Variants in PDCD10 observed in about 807,000 individuals in gnomAD.
The protein encoded by PDCD10 is programmed cell death protein 10.
A neutral mutation model predicts 29.2 loss-of-function variants in PDCD10; 4 were observed. That is an observed-to-expected ratio of 0.14 (90% confidence interval 0.07 to 0.31). The LOEUF (loss-of-function observed/expected upper bound fraction) is 0.31. Ranked by LOEUF, PDCD10 falls within the 10% of genes least tolerant of loss-of-function variation. The probability of loss-of-function intolerance (pLI) is 1.00; values close to 1 mark genes in which losing one functional copy is unlikely to be tolerated. For synonymous variants in PDCD10, 70 were observed against 82.2 expected (o/e 0.85, Z 0.80); for missense variants, 183 against 257.9 (o/e 0.71, Z 1.99).
At chr3:167,710,547 T>A (rs1037665402) in intron 3 of PDCD10, among the ~76,000 whole-genome samples, 1 of 152,196 alleles carries the variant, frequency 6.6e-6, no homozygotes, top group African/African-American at 2.4e-5. Context: ...GAAAGAACAC[T>A]AGGTAGATTT....
At chr3:167,724,338 C>G (rs926568330) in intron 2 of PDCD10, among the ~76,000 whole-genome samples, 4 of 152,182 alleles carry the variant, frequency 2.6e-5, no homozygotes, top group Non-Finnish European at 4.4e-5. Context: ...ATCCAGTACT[C>G]AGCCCTCTTG....
chr3:167,684,484 GAAA>G, intron 8 of PDCD10, 95 bp from the exon 9 acceptor site: 1 of 517,324 alleles, frequency 1.9e-6, no homozygotes. Flanking sequence ...ATCAATTTTA[GAAA>G]AAAAAAAAAG....
chr3:167,691,538 C>T (rs1720234019), intron 6 of PDCD10, among the ~76,000 whole-genome samples: 3 of 152,158 alleles, frequency 2.0e-5, no homozygotes, highest in Admixed American at 2.0e-4. Flanking sequence ...TTTCAAACCG[C>T]AGCTCCCTAG....
In PDCD10 at chr3:167,683,530, A is replaced by T. The variant is rs1719273733; in HGVS notation, c.*778T>A. ...AATTGTGCAAAGCTTATGAGGGCCC[A>T]GTATACGAAAGGCTTAATTTTTAAG... On this transcript the variant is annotated 3_prime_UTR_variant, in exon 9 of 9. Coordinates refer to ENST00000392750, the MANE Select transcript of PDCD10 (RefSeq NM_007217.4). 6.6e-6 allele frequency: 1 copy of T among 151,968 alleles called. No homozygotes were observed. Among genetic ancestry groups the T allele is most frequent in the Admixed American group, 6.6e-5 (1 of 15,252 alleles). 9.4% of individuals were successfully genotyped at this position (151,968 alleles called of 1,614,324 possible). A position where few individuals can be genotyped will look rare whatever the true frequency, so the allele number is the denominator to read the frequency against.
At chr3:167,685,548 T>C (rs556947747) in intron 8 of PDCD10, among the ~76,000 whole-genome samples, 33 of 151,996 alleles carry the variant, frequency 2.2e-4, no homozygotes, top group Non-Finnish European at 3.4e-4. Context: ...AAGCACATTA[T>C]TGATACACAA....
chr3:167,699,974 AT>A (rs1721216066), intron 4 of PDCD10, among the ~76,000 whole-genome samples: 1 of 152,246 alleles, frequency 6.6e-6, no homozygotes, highest in African/African-American at 2.4e-5. Context: ...CCACTAGTCT[AT>A]TTTAGTATTT....
intron 2 of PDCD10, among the ~76,000 whole-genome samples, chr3:167,727,490 C>T (rs985884314): frequency 2.0e-5 from 3 of 152,176 alleles, no homozygotes; most frequent in Non-Finnish European, 4.4e-5. Flanking sequence ...CCATAAAGTT[C>T]TCAACCTAAT....
Position 167,695,669 on chromosome 3 carries a change from G to A in PDCD10, c.322C>T (p.Arg108Ter), listed in dbSNP as rs1553760900. The change falls in exon 6 of 9, where the codon CGA becomes TGA. Residue 108 changes from arginine (R) to a stop codon, truncating the protein, a stop_gained. Transcript: ENST00000392750. LOFTEE classifies it high-confidence loss of function. Reference protein sequence around the residue: ...PEFQDLNEKARALKQILSKIP... With the variant: ...PEFQDLNEKA ...TTACTGAGAATTTGTTTAAGTGCTC[G>A]TGCCTTTTCGTTTAGGTCTTGGAAT... 1 of 1,612,540 alleles carries A rather than the reference G, an allele frequency of 6.2e-7. No homozygotes were observed. Among genetic ancestry groups the A allele is most frequent in the Non-Finnish European group, 8.5e-7 (1 of 1,178,608 alleles).
intron 3 of PDCD10, among the ~76,000 whole-genome samples, chr3:167,712,372 T>C (rs1393515514): frequency 6.6e-6 from 1 of 152,124 alleles, no homozygotes; most frequent in Non-Finnish European, 1.5e-5. Flanking sequence ...TGCTTATTTA[T>C]GTAATCAGTG....
intron 4 of PDCD10, among the ~76,000 whole-genome samples, chr3:167,701,153 T>C (rs1468588751): frequency 8.5e-5 from 13 of 152,170 alleles, no homozygotes; most frequent in Admixed American, 8.5e-4. Context: ...TGTTCTAGCC[T>C]GGTACCATCA....
At chr3:167,690,967 T>C (rs1577323073) in intron 6 of PDCD10, among the ~76,000 whole-genome samples, 1 of 152,242 alleles carries the variant, frequency 6.6e-6, no homozygotes, top group Admixed American at 6.5e-5. Context: ...GATTCTTTTT[T>C]ACTTGTACTT....
chr3:167,716,453 T>C (rs935984583), intron 3 of PDCD10, among the ~76,000 whole-genome samples: 3 of 152,012 alleles, frequency 2.0e-5, no homozygotes, highest in Non-Finnish European at 4.4e-5. Flanking sequence ...CTTGAGGGGA[T>C]GGATAACCCA....
intron 3 of PDCD10, among the ~76,000 whole-genome samples, chr3:167,717,492 A>G (rs1723139269): frequency 6.6e-6 from 1 of 152,078 alleles, no homozygotes; most frequent in Admixed American, 6.6e-5. Context: ...GCACAGAAAA[A>G]GCCAAACTAA....
intron 8 of PDCD10, among the ~76,000 whole-genome samples, chr3:167,685,305 G>A (rs553768494): frequency 4.0e-5 from 6 of 151,132 alleles, no homozygotes; most frequent in African/African-American, 1.2e-4. Flanking sequence ...CCCAGCTCGG[G>A]AGGCTGAGGC....
chr3:167,684,000 A>C lies in PDCD10; in HGVS notation c.*308T>G. 3.7e-6 allele frequency: 1 copy of C among 273,812 alleles called. No individual in the cohort carries two copies. Among genetic ancestry groups the C allele is most frequent in the East Asian group, 8.0e-5 (1 of 12,554 alleles). 17.0% of individuals were successfully genotyped at this position (273,812 alleles called of 1,614,324 possible). On this transcript the variant is annotated 3_prime_UTR_variant, in exon 9 of 9. Transcript: ENST00000392750. ...ATCGCTTTCAAGTTAAAATGTCAGAAACAAACACCAATATTTACAATTCTT... is the reference window on the plus strand; with the variant it reads ...ATCGCTTTCAAGTTAAAATGTCAGACACAAACACCAATATTTACAATTCTT...
At chr3:167,687,745 G>A (rs116787813) in intron 6 of PDCD10, 52 bp from the exon 7 acceptor site, 1 of 966,928 alleles carries the variant, frequency 1.0e-6, no homozygotes, top group South Asian at 1.3e-5. Context: ...AAATTTGTGA[G>A]AGAAAAGAAC....
intron 8 of PDCD10, among the ~76,000 whole-genome samples, chr3:167,685,029 G>C (rs967886403): frequency 2.0e-5 from 3 of 152,056 alleles, no homozygotes; most frequent in South Asian, 2.1e-4. Context: ...CTGGGATTCA[G>C]AGATGATGCC....
At chr3:167,687,090 C>T in intron 8 of PDCD10, 144 bp downstream of exon 8, 1 of 566,108 alleles carries the variant, frequency 1.8e-6, no homozygotes. Flanking sequence ...CATTCATTTT[C>T]TATTGTTAAT....
chr3:167,721,604 T>G (rs1723571368), intron 2 of PDCD10, among the ~76,000 whole-genome samples: 1 of 152,176 alleles, frequency 6.6e-6, no homozygotes, highest in African/African-American at 2.4e-5. Context: ...CAATAACCTG[T>G]TCCATTGGAA....
Sources: gnomAD v4.1 joint callset for allele counts (sites outside exome capture counted in the v4.1 genomes callset) on GRCh38, gnomAD v4.1.1 for gene constraint, MANE v1.5 for transcripts, NCBI Gene and HGNC (gene_info 2026-07-23, HGNC 2026-07-21) for gene names.